SLC38A9: variants seen among roughly 807,000 people sequenced by gnomAD.
SLC38A9 encodes the protein solute carrier family 38 member 9.
Under a neutral mutation model 62.3 loss-of-function variants are expected in SLC38A9, and 48 were observed. The observed-to-expected ratio is 0.77, with a 90% confidence interval of 0.61 to 0.98. The LOEUF (loss-of-function observed/expected upper bound fraction) is 0.98. SLC38A9 is among the 50% of genes least tolerant of loss of function. SLC38A9 has a pLI of 0.00. For synonymous variants in SLC38A9, 204 were observed against 227.7 expected, an observed-to-expected ratio of 0.90 and a Z score of 0.94; for missense variants, 541 against 679.8, an observed-to-expected ratio of 0.80 and a Z score of 2.27.
intron 1 of SLC38A9, 106 bp from the exon 2 acceptor site, chr5:55,711,605 A>G (rs1490396789): frequency 2.6e-5 from 4 of 152,286 alleles, no homozygotes; most frequent in African/African-American, 9.6e-5. Flanking sequence ...TCACTCTCAC[A>G]ACTGAGTCGT....
intron 3 of SLC38A9, among the ~76,000 whole-genome samples, chr5:55,691,791 G>T (rs1754785457): frequency 6.6e-6 from 1 of 152,120 alleles, no homozygotes; most frequent in Non-Finnish European, 1.5e-5. Context: ...GGGGAAAACT[G>T]GTGGGGGAGG....
chr5:55,635,499 A>G, intron 13 of SLC38A9, 45 bp downstream of exon 13: 1 of 1,362,654 alleles, frequency 7.3e-7, no homozygotes, highest in Non-Finnish European at 1.1e-6. Flanking sequence ...CTATAAATAC[A>G]TGAAAGTGTA....
intron 3 of SLC38A9, 95 bp from the exon 4 acceptor site, chr5:55,672,790 T>C: frequency 1.6e-6 from 2 of 1,274,112 alleles, no homozygotes; most frequent in Non-Finnish European, 2.2e-6. Flanking sequence ...CCATTAGTAA[T>C]GGGATGCACA....
intron 3 of SLC38A9, among the ~76,000 whole-genome samples, chr5:55,693,768 A>G (rs1029237904): frequency 6.6e-6 from 1 of 152,126 alleles, no homozygotes. Flanking sequence ...ACACTTTTTC[A>G]TCACTGCCAG....
chr5:55,662,897 CT>C (rs34571635), intron 8 of SLC38A9, among the ~76,000 whole-genome samples: 83,767 of 141,478 alleles, frequency 0.59, 24,908 homozygotes, highest in South Asian at 0.7. Flanking sequence ...GTCTATAATT[CT>C]TTTTTTTTTT....
intron 12 of SLC38A9, among the ~76,000 whole-genome samples, chr5:55,638,844 A>C (rs915176325): frequency 6.6e-6 from 1 of 152,244 alleles, no homozygotes; most frequent in African/African-American, 2.4e-5. Flanking sequence ...AACTAAACAC[A>C]GACAAAACAA....
intron 14 of SLC38A9, 38 bp from the exon 15 acceptor site, chr5:55,628,018 T>C (rs1364320378): frequency 1.4e-6 from 2 of 1,436,378 alleles, no homozygotes; most frequent in Admixed American, 3.4e-5. Context: ...AAAGAAAAAA[T>C]ATAAAAATAG....
chr5:55,695,274 T>TG (rs1264430648), intron 3 of SLC38A9, among the ~76,000 whole-genome samples: 1 of 25,712 alleles, frequency 3.9e-5, no homozygotes, highest in South Asian at 2.2e-3. Context: ...AGACCATTTC[T>TG]TTTTTTTTTT....
intron 2 of SLC38A9, among the ~76,000 whole-genome samples, chr5:55,708,443 T>G (rs1757578511): frequency 6.6e-6 from 1 of 152,244 alleles, no homozygotes; most frequent in Non-Finnish European, 1.5e-5. Context: ...TTGACTGTGA[T>G]TATTGGCGTA....
intron 15 of SLC38A9, among the ~76,000 whole-genome samples, chr5:55,627,418 A>G (rs1163508815): frequency 2.9e-5 from 1 of 33,980 alleles, no homozygotes. Context: ...AGGATATTAA[A>G]GAAAGCCATC....
At chr5:55,658,279 G>A (rs1561353810) in intron 8 of SLC38A9, among the ~76,000 whole-genome samples, 3 of 151,986 alleles carry the variant, frequency 2.0e-5, no homozygotes, top group South Asian at 4.2e-4. Flanking sequence ...TCAGCCTCCC[G>A]AGTAGCTGGG....
intron 14 of SLC38A9, among the ~76,000 whole-genome samples, chr5:55,631,631 C>T (rs1743468211): frequency 1.3e-5 from 2 of 152,158 alleles, no homozygotes; most frequent in Admixed American, 6.5e-5. Flanking sequence ...GTGCTTGAGA[C>T]CTGGTAACTC....
At position 55,641,236 on chromosome 5, in the gene SLC38A9, G is replaced by A. The variant is rs79622510; in HGVS notation, c.1167+4553C>T. Among the ~76,000 whole-genome samples, 621 of 152,180 alleles carry A rather than the reference G, an allele frequency of 4.1e-3. 2 individuals are homozygous for A. Among genetic ancestry groups the A allele is most frequent in the African/African-American group, 0.014 (595 of 41,516 alleles). ...ACCAAGAGTAGTCTGAACTATGTTC[G>A]CCTCCTTCTTCTCACTGTATAACTT... On this transcript the variant is annotated intron_variant, in intron 12 of 15. Transcript: ENST00000396865.
chr5:55,694,986 C>G (rs551839603), intron 3 of SLC38A9, among the ~76,000 whole-genome samples: 3 of 152,258 alleles, frequency 2.0e-5, no homozygotes, highest in Admixed American at 2.0e-4. Context: ...CTCTTGGCCT[C>G]AAGTGATCCA....
intron 7 of SLC38A9, among the ~76,000 whole-genome samples, chr5:55,667,189 T>G (rs1750619212): frequency 6.6e-6 from 1 of 152,082 alleles, no homozygotes; most frequent in Non-Finnish European, 1.5e-5. Context: ...TGACTGATAA[T>G]ATAATTCTAA....
intron 2 of SLC38A9, among the ~76,000 whole-genome samples, chr5:55,699,384 T>C (rs1756354159): frequency 6.6e-6 from 1 of 152,246 alleles, no homozygotes. Flanking sequence ...TAATTTAAGA[T>C]TAACCTGCTT....
chr5:55,645,601 C>G (rs1189011402), intron 12 of SLC38A9, among the ~76,000 whole-genome samples, 188 bp downstream of exon 12: 1 of 152,222 alleles, frequency 6.6e-6, no homozygotes, highest in Non-Finnish European at 1.5e-5. Flanking sequence ...CCTACAAGGC[C>G]TGAAATATTT....
intron 7 of SLC38A9, among the ~76,000 whole-genome samples, chr5:55,668,504 G>A (rs1283160140): frequency 6.6e-6 from 1 of 152,104 alleles, no homozygotes; most frequent in Non-Finnish European, 1.5e-5. Context: ...AGTTGCTAGG[G>A]CTACAGACAC....
At chr5:55,628,239 T>G (rs572413755) in intron 14 of SLC38A9, among the ~76,000 whole-genome samples, 1 of 152,188 alleles carries the variant, frequency 6.6e-6, no homozygotes, top group Non-Finnish European at 1.5e-5. Context: ...TTCACATTCT[T>G]TGATCTATTA....
Sources: allele counts gnomAD v4.1 joint callset (sites outside exome capture counted in the v4.1 genomes callset), GRCh38; gene constraint gnomAD v4.1.1; transcripts MANE v1.5; gene names NCBI Gene and HGNC (gene_info 2026-07-23, HGNC 2026-07-21).